The following GRIP1 variants were observed in gnomAD, a reference collection of about 807,000 sequenced individuals.
GRIP1 encodes the protein glutamate receptor-interacting protein 1.
A neutral mutation model predicts 129.9 loss-of-function variants in GRIP1; 45 were observed. The observed-to-expected ratio is 0.35, with a 90% CI of 0.27 to 0.44. GRIP1 has a LOEUF of 0.44. Among genes scored for constraint, GRIP1 ranks in the 20% least tolerant of loss-of-function variants. The pLI, the probability that GRIP1 is intolerant of heterozygous loss-of-function variation, is 1.00. For missense variants in GRIP1, 1,196 were observed against 1,396.8 expected (o/e 0.86, Z 2.29); for synonymous variants, 530 against 520.8 (o/e 1.02, Z -0.24).
Position 66,455,426 on chromosome 12 carries a change from T to A in GRIP1, c.1337A>T (p.Lys446Ile). 1 of 1,614,182 alleles carries A rather than the reference T, an allele frequency of 6.2e-7. No homozygotes were observed. The highest frequency in any genetic ancestry group is 1.1e-5 in the South Asian group (1 of 91,078). The change falls in exon 11 of 25, where the codon AAA (lysine) becomes ATA (isoleucine). Residue 446 changes from lysine (K) to isoleucine (I), a missense_variant. Lys to Ile is a moderately radical substitution (Grantham distance 102). Transcript: ENST00000359742. The part of the protein sequence containing the change: ...GTMMRRRLKK[K>I]DFKSSLSLAS... ...TCACTTACATGAGCTTTTGAAGTCT[T>A]TCTTTTTCAGTCTCCTCCTCATCAT... is the stretch of plus-strand genomic sequence containing the variant.
intron 1 of GRIP1, among the ~76,000 whole-genome samples, chr12:66,688,151 G>C (rs973165900): frequency 6.6e-6 from 1 of 152,188 alleles, no homozygotes; most frequent in African/African-American, 2.4e-5. Context: ...ACTTCGGTCA[G>C]TATGGTCTCC....
intron 1 of GRIP1, among the ~76,000 whole-genome samples, chr12:66,956,198 G>A (rs1050177325): frequency 2.0e-5 from 3 of 152,032 alleles, no homozygotes; most frequent in Admixed American, 1.3e-4. Context: ...ATTAGTCATC[G>A]GGCCTGTTTA....
intron 1 of GRIP1, among the ~76,000 whole-genome samples, chr12:66,609,212 C>A (rs1208979728): frequency 2.0e-5 from 3 of 151,864 alleles, no homozygotes; most frequent in Non-Finnish European, 2.9e-5. Context: ...AACAAAAGAC[C>A]ATCCTTTTCC....
At chr12:66,486,388 G>T (rs1432864661) in intron 7 of GRIP1, among the ~76,000 whole-genome samples, 1 of 152,070 alleles carries the variant, frequency 6.6e-6, no homozygotes, top group Non-Finnish European at 1.5e-5. Flanking sequence ...TTTAAGGCAG[G>T]TGATATGGTT....
intron 1 of GRIP1, among the ~76,000 whole-genome samples, chr12:66,916,603 A>G (rs987926850): frequency 1.1e-4 from 17 of 152,136 alleles, no homozygotes; most frequent in African/African-American, 3.6e-4. Flanking sequence ...TTAAATGCAA[A>G]ATGTATCTAC....
intron 7 of GRIP1, among the ~76,000 whole-genome samples, chr12:66,472,568 C>T (rs552433378): frequency 6.6e-6 from 1 of 152,168 alleles, no homozygotes; most frequent in Non-Finnish European, 1.5e-5. Flanking sequence ...CAGTCTGCAG[C>T]TCGCAGCAAG....
chr12:66,358,411 TG>T (rs1426495063), intron 23 of GRIP1, among the ~76,000 whole-genome samples: 1 of 152,176 alleles, frequency 6.6e-6, no homozygotes, highest in African/African-American at 2.4e-5. Context: ...GAGCCTTCAC[TG>T]GAGAAAATAT....
At chr12:66,525,208 C>A (rs1216468436) in intron 5 of GRIP1, among the ~76,000 whole-genome samples, 2 of 152,154 alleles carry the variant, frequency 1.3e-5, no homozygotes, top group African/African-American at 4.8e-5. Context: ...GATACCAAAG[C>A]CTGGCAGAGA....
intron 1 of GRIP1, among the ~76,000 whole-genome samples, chr12:66,684,472 C>T (rs1392176677): frequency 6.6e-6 from 1 of 152,124 alleles, no homozygotes; most frequent in Non-Finnish European, 1.5e-5. Context: ...TTTATCCTCT[C>T]CTAGGGCTCC....
chr12:66,369,161 T>C (rs1479081117), intron 23 of GRIP1, among the ~76,000 whole-genome samples: 1 of 151,998 alleles, frequency 6.6e-6, no homozygotes, highest in East Asian at 1.9e-4. Flanking sequence ...TTAGAGAAAA[T>C]GACAGAAGTG....
intron 1 of GRIP1, among the ~76,000 whole-genome samples, chr12:66,903,486 G>C (rs924852084): frequency 6.6e-6 from 1 of 151,858 alleles, no homozygotes; most frequent in Non-Finnish European, 1.5e-5. Context: ...TGAAGATTTT[G>C]AAGAAAGATA....
rs185097785 is a variant in GRIP1, at chr12:66,648,816, G to A, written c.55+30034C>T. 3.7e-3 allele frequency among the ~76,000 whole-genome samples: 559 copies of A among 152,220 alleles called. 3 individuals carry two copies. Among genetic ancestry groups the A allele is most frequent in the African/African-American group, 0.013 (540 of 41,548 alleles). ...CAATTTTAACTGGAGATTTAAAGACGTTTTCTATATCCACTTAGTTGCATG... is the reference window on the plus strand; with the variant it reads ...CAATTTTAACTGGAGATTTAAAGACATTTTCTATATCCACTTAGTTGCATG... On this transcript the variant is annotated intron_variant, in intron 1 of 24. Transcript: ENST00000359742.
intron 1 of GRIP1, among the ~76,000 whole-genome samples, chr12:66,850,148 G>A (rs1236723782): frequency 6.6e-6 from 1 of 151,814 alleles, no homozygotes; most frequent in Non-Finnish European, 1.5e-5. Flanking sequence ...GGGGAGATGA[G>A]TTATATTACA....
chr12:66,965,204 G>A (rs1312503957), intron 1 of GRIP1, among the ~76,000 whole-genome samples: 2 of 151,704 alleles, frequency 1.3e-5, no homozygotes, highest in Non-Finnish European at 2.9e-5. Context: ...ATATTATTTT[G>A]AAGAAAATGC....
At chr12:66,579,889 T>C (rs1231692857) in intron 2 of GRIP1, among the ~76,000 whole-genome samples, 2 of 148,850 alleles carry the variant, frequency 1.3e-5, no homozygotes, top group Non-Finnish European at 3.0e-5. Flanking sequence ...AACATTCATA[T>C]TCAGGAAATA....
chr12:66,787,840 T>C lies in GRIP1; in HGVS notation c.-420+16213A>G, dbSNP rs142615526. Reference sequence around the variant, plus strand: ...TAAGATACCCCCCAAAAGCAAACTGTATGAGTTAGAACAGGTAGGGACTTA... The same window carrying C: ...TAAGATACCCCCCAAAAGCAAACTGCATGAGTTAGAACAGGTAGGGACTTA... On this transcript the variant is annotated intron_variant, in intron 1 of 4. Coordinates refer to the GRIP1 transcript ENST00000538373. 2.3e-3 allele frequency among the ~76,000 whole-genome samples: 346 copies of C among 152,246 alleles called. 3 individuals are homozygous for C. Among genetic ancestry groups the C allele is most frequent in the African/African-American group, 8.0e-3 (331 of 41,542 alleles).
chr12:66,481,768 A>G (rs2059813278), intron 7 of GRIP1, among the ~76,000 whole-genome samples: 1 of 152,244 alleles, frequency 6.6e-6, no homozygotes. Flanking sequence ...CTATGCAGTC[A>G]TAAAAAAGGA....
intron 2 of GRIP1, among the ~76,000 whole-genome samples, chr12:66,589,236 GTCTC>G (rs1283273927): frequency 2.6e-5 from 3 of 116,210 alleles, no homozygotes; most frequent in African/African-American, 7.0e-5. Context: ...CTGTCTGTCT[GTCTC>G]TCTCTCTCTC....
chr12:66,663,695 G>T (rs996803817), intron 1 of GRIP1, among the ~76,000 whole-genome samples: 2 of 152,118 alleles, frequency 1.3e-5, no homozygotes, highest in African/African-American at 4.8e-5. Context: ...CTAAATTTTT[G>T]TAACAAAGTG....
Sources: allele counts gnomAD v4.1 joint callset (sites outside exome capture counted in the v4.1 genomes callset), GRCh38; gene constraint gnomAD v4.1.1; transcripts MANE v1.5; gene names NCBI Gene and HGNC (gene_info 2026-07-23, HGNC 2026-07-21).